The following FHIT variants were observed in gnomAD, a reference collection of about 807,000 sequenced individuals.
FHIT encodes bis(5'-adenosyl)-triphosphatase.
Under a neutral mutation model 17.9 loss-of-function variants are expected in FHIT, and 19 were observed. The ratio of observed to expected loss-of-function variants is 1.06; its 90% CI spans 0.74 to 1.56. The LOEUF is 1.56. Ranked by LOEUF, FHIT falls within the 40% of genes most tolerant of loss-of-function variation. The pLI is 0.00. For missense variants in FHIT, 248 were observed against 189.2 expected (o/e 1.31, Z -1.82); for synonymous variants, 81 against 69.7 (o/e 1.16, Z -0.81).
intron 3 of FHIT, among the ~76,000 whole-genome samples, chr3:60,892,356 C>T (rs895823994): frequency 8.5e-5 from 13 of 152,292 alleles, no homozygotes; most frequent in Admixed American, 5.2e-4. Context: ...GCTACCCTTG[C>T]TCTCTTTCTC....
intron 8 of FHIT, among the ~76,000 whole-genome samples, chr3:59,903,890 T>C (rs1486627293): frequency 6.6e-6 from 1 of 152,174 alleles, no homozygotes; most frequent in East Asian, 1.9e-4. Flanking sequence ...ATGTTTGGGC[T>C]TCCTCCAGCT....
chr3:60,081,125 T>C (rs1452108024), intron 5 of FHIT, among the ~76,000 whole-genome samples: 1 of 152,082 alleles, frequency 6.6e-6, no homozygotes, highest in Non-Finnish European at 1.5e-5. Flanking sequence ...GCAGTGCTTC[T>C]CCAAGTTTGG....
At chr3:60,296,735 T>G (rs1218489393) in intron 5 of FHIT, among the ~76,000 whole-genome samples, 1 of 152,052 alleles carries the variant, frequency 6.6e-6, no homozygotes, top group Non-Finnish European at 1.5e-5. Flanking sequence ...TAGACATAGA[T>G]CCCAATGACT....
At chr3:60,095,107 G>C (rs1158491379) in intron 5 of FHIT, among the ~76,000 whole-genome samples, 2 of 152,138 alleles carry the variant, frequency 1.3e-5, no homozygotes, top group Non-Finnish European at 2.9e-5. Flanking sequence ...CAATTATGAA[G>C]CAGGAAGTAA....
chr3:60,497,128 T>C (rs2034331684), intron 5 of FHIT, among the ~76,000 whole-genome samples: 1 of 152,098 alleles, frequency 6.6e-6, no homozygotes, highest in South Asian at 2.1e-4. Flanking sequence ...GGGGGCATGG[T>C]ATTGTATCTG....
chr3:61,173,530 T>G (rs1300722552), intron 2 of FHIT, among the ~76,000 whole-genome samples: 1 of 152,214 alleles, frequency 6.6e-6, no homozygotes, highest in East Asian at 1.9e-4. Flanking sequence ...TCACTGTATT[T>G]CACAGAATAT....
intron 5 of FHIT, among the ~76,000 whole-genome samples, chr3:60,256,294 C>T (rs1431380328): frequency 6.6e-6 from 1 of 152,200 alleles, no homozygotes; most frequent in Non-Finnish European, 1.5e-5. Context: ...GATATCTCAT[C>T]TTCCCATGTC....
At chr3:60,452,533 T>G (rs2031820046) in intron 5 of FHIT, among the ~76,000 whole-genome samples, 1 of 152,192 alleles carries the variant, frequency 6.6e-6, no homozygotes, top group Non-Finnish European at 1.5e-5. Flanking sequence ...TAAAGATATT[T>G]AAATGACCAG....
intron 1 of FHIT, 104 bp downstream of exon 1, chr3:61,251,197 G>A (rs2040615699): frequency 6.6e-6 from 1 of 152,348 alleles, no homozygotes; most frequent in Non-Finnish European, 1.5e-5. Flanking sequence ...CCCGTGAGCG[G>A]CGCCGGCCCC....
chr3:60,925,983 A>T (rs1553769747), intron 3 of FHIT, among the ~76,000 whole-genome samples: 1 of 152,240 alleles, frequency 6.6e-6, no homozygotes, highest in African/African-American at 2.4e-5. Context: ...TGGTAAAGGG[A>T]TCAATTCAAC....
chr3:59,901,211 G>C (rs1164842975), intron 8 of FHIT, among the ~76,000 whole-genome samples: 1 of 152,168 alleles, frequency 6.6e-6, no homozygotes, highest in Non-Finnish European at 1.5e-5. Context: ...GTGAAATAGT[G>C]AAGAATATGA....
At chr3:60,270,520 T>C (rs1706808962) in intron 5 of FHIT, among the ~76,000 whole-genome samples, 1 of 152,204 alleles carries the variant, frequency 6.6e-6, no homozygotes, top group Non-Finnish European at 1.5e-5. Context: ...ATAAAAGATG[T>C]TCAAGTATAA....
At chr3:61,105,286 G>A (rs894736260) in intron 2 of FHIT, among the ~76,000 whole-genome samples, 2 of 151,858 alleles carry the variant, frequency 1.3e-5, no homozygotes, top group Middle Eastern at 3.4e-3. Flanking sequence ...TTTCATTGTG[G>A]TACAAGATGG....
chr3:60,307,943 G>C (rs1310229612), intron 5 of FHIT, among the ~76,000 whole-genome samples: 1 of 152,112 alleles, frequency 6.6e-6, no homozygotes, highest in African/African-American at 2.4e-5. Flanking sequence ...TTTACCAAGG[G>C]ATCACTATGC....
At chr3:60,827,660 G>T (rs1553741420) in intron 3 of FHIT, among the ~76,000 whole-genome samples, 1 of 152,160 alleles carries the variant, frequency 6.6e-6, no homozygotes, top group African/African-American at 2.4e-5. Flanking sequence ...GTTTTCAAAT[G>T]AACAAATGAA....
intron 5 of FHIT, among the ~76,000 whole-genome samples, chr3:60,361,865 C>T (rs527404889): frequency 6.0e-4 from 92 of 152,086 alleles, no homozygotes; most frequent in Non-Finnish European, 1.2e-3. Context: ...TCATATCTCA[C>T]GGGAATCCAT....
intron 4 of FHIT, among the ~76,000 whole-genome samples, chr3:60,643,637 T>G (rs1052200802): frequency 6.6e-5 from 10 of 152,166 alleles, no homozygotes; most frequent in African/African-American, 2.4e-4. Context: ...GTCTTCTAAA[T>G]AGGTTTTAGA....
At chr3:60,758,127 T>C (rs1553718787) in intron 4 of FHIT, among the ~76,000 whole-genome samples, 2 of 152,154 alleles carry the variant, frequency 1.3e-5, no homozygotes, top group African/African-American at 2.4e-5. Flanking sequence ...CACAGGTTGG[T>C]TGTATCCCAC....
intron 5 of FHIT, among the ~76,000 whole-genome samples, chr3:60,265,995 T>C (rs758529782): frequency 2.0e-5 from 3 of 151,954 alleles, no homozygotes; most frequent in Non-Finnish European, 2.9e-5. Context: ...ATTTATTATA[T>C]ACATAAAGAT....
Sources: allele counts gnomAD v4.1 joint callset (sites outside exome capture counted in the v4.1 genomes callset), GRCh38; gene constraint gnomAD v4.1.1; transcripts MANE v1.5; gene names NCBI Gene and HGNC (gene_info 2026-07-23, HGNC 2026-07-21).